Variants in LARGE1 observed in about 807,000 individuals in gnomAD.
LARGE1 encodes the protein LARGE xylosyl- and glucuronyltransferase 1.
A neutral mutation model predicts 87.6 loss-of-function variants in LARGE1; 43 were observed. The observed-to-expected ratio is 0.49, with a 90% CI of 0.38 to 0.63. The LOEUF is 0.63. Ranked by LOEUF, LARGE1 falls within the 30% of genes least tolerant of loss-of-function variation. LARGE1 has a pLI of 0.00. For synonymous variants in LARGE1, 434 were observed against 394.6 expected (o/e 1.10, Z -1.18); for missense variants, 802 against 1,000.2 (o/e 0.80, Z 2.67).
chr22:33,689,709 G>A (rs769663016), intron 2 of LARGE1, among the ~76,000 whole-genome samples: 1 of 152,102 alleles, frequency 6.6e-6, no homozygotes, highest in Non-Finnish European at 1.5e-5. Context: ...GGTGGATCAC[G>A]AGGTCAGGGG....
At chr22:33,655,499 T>C (rs1338842120) in intron 2 of LARGE1, among the ~76,000 whole-genome samples, 1 of 152,198 alleles carries the variant, frequency 6.6e-6, no homozygotes, top group Non-Finnish European at 1.5e-5. Flanking sequence ...TCGGCTCTCC[T>C]GGGTCTCCAG....
intron 6 of LARGE1, among the ~76,000 whole-genome samples, chr22:33,457,293 CTTTTTTTTTTTTTTT>C (rs759460321): frequency 0.044 from 3,317 of 75,044 alleles, 150 homozygotes; most frequent in African/African-American, 0.17. Flanking sequence ...ACGCCTGGCT[CTTTTTTTTTTTTTTT>C]TTTTTTTTTT....
At chr22:33,628,212 G>C (rs925321906) in intron 3 of LARGE1, among the ~76,000 whole-genome samples, 3 of 152,128 alleles carry the variant, frequency 2.0e-5, no homozygotes, top group African/African-American at 7.2e-5. Context: ...CAGATTTCAG[G>C]CTCAAAGTTG....
chr22:33,099,480 G>A, the LARGE1 span, among the ~76,000 whole-genome samples: 6 of 152,108 alleles, frequency 3.9e-5, no homozygotes, highest in African/African-American at 4.8e-5. Context: ...TCAAACTCCT[G>A]ACCTCAGGTG....
intron 4 of LARGE1, among the ~76,000 whole-genome samples, chr22:33,608,134 T>C (rs1375194609): frequency 6.6e-6 from 1 of 152,174 alleles, no homozygotes; most frequent in African/African-American, 2.4e-5. Context: ...AAGGCCACAG[T>C]TGCCATAATG....
chr22:33,719,695 T>C (rs1434549416), intron 2 of LARGE1, among the ~76,000 whole-genome samples: 2 of 152,010 alleles, frequency 1.3e-5, no homozygotes, highest in Admixed American at 6.6e-5. Context: ...TAATTTTTTA[T>C]ATTTTTAGTA....
intron 6 of LARGE1, among the ~76,000 whole-genome samples, chr22:33,545,419 A>AACACACACAC (rs55754949): frequency 0.025 from 3,530 of 143,968 alleles, 71 homozygotes; most frequent in East Asian, 0.089. Flanking sequence ...ACACCCAGCT[A>AACACACACAC]ACACACACAC....
At chr22:33,457,521 T>C (rs916902258) in intron 6 of LARGE1, among the ~76,000 whole-genome samples, 1 of 151,812 alleles carries the variant, frequency 6.6e-6, no homozygotes, top group Non-Finnish European at 1.5e-5. Context: ...GGATAGTCCT[T>C]ATTAAATTAA....
At chr22:33,577,467 T>A (rs1429771339) in intron 5 of LARGE1, among the ~76,000 whole-genome samples, 1 of 152,224 alleles carries the variant, frequency 6.6e-6, no homozygotes, top group Non-Finnish European at 1.5e-5. Flanking sequence ...GGCAGCTGAA[T>A]CAGAAAACAC....
chr22:33,632,979 C>A (rs2080155963), intron 3 of LARGE1, among the ~76,000 whole-genome samples: 1 of 152,136 alleles, frequency 6.6e-6, no homozygotes, highest in Non-Finnish European at 1.5e-5. Flanking sequence ...GCAGGCTGTA[C>A]TTGATGATAC....
intron 11 of LARGE1, among the ~76,000 whole-genome samples, chr22:33,306,471 C>T (rs1007856976): frequency 9.2e-5 from 14 of 152,166 alleles, no homozygotes; most frequent in Admixed American, 5.9e-4. Flanking sequence ...AGGATTCTCT[C>T]ACTGGCTTGG....
the LARGE1 span, among the ~76,000 whole-genome samples, chr22:33,097,356 T>A: frequency 6.6e-6 from 1 of 152,238 alleles, no homozygotes; most frequent in Non-Finnish European, 1.5e-5. Flanking sequence ...ATCCTGTCTA[T>A]ATCTTGCCCT....
intron 1 of LARGE1, among the ~76,000 whole-genome samples, chr22:33,866,021 G>T (rs748197882): frequency 6.6e-6 from 1 of 151,224 alleles, no homozygotes; most frequent in African/African-American, 2.4e-5. Context: ...GCTAATTTTT[G>T]TAATTTTAGT....
At chr22:33,596,544 T>C (rs537054410) in intron 5 of LARGE1, among the ~76,000 whole-genome samples, 9 of 152,286 alleles carry the variant, frequency 5.9e-5, no homozygotes, top group Admixed American at 3.3e-4. Context: ...ATTTAACCTC[T>C]GTCACCCTGC....
intron 1 of LARGE1, among the ~76,000 whole-genome samples, chr22:33,820,298 G>A (rs971709492): frequency 2.6e-5 from 4 of 152,008 alleles, no homozygotes; most frequent in African/African-American, 9.7e-5. Context: ...ATAGCATATT[G>A]CCATAACTTC....
intron 12 of LARGE1, among the ~76,000 whole-genome samples, chr22:33,303,278 A>G (rs945611906): frequency 1.3e-5 from 2 of 152,328 alleles, no homozygotes; most frequent in Admixed American, 6.5e-5. Context: ...AGCAGTTGTC[A>G]TGGTGCTTAT....
intron 2 of LARGE1, among the ~76,000 whole-genome samples, chr22:33,755,719 T>C (rs1001329890): frequency 6.6e-6 from 1 of 152,156 alleles, no homozygotes; most frequent in African/African-American, 2.4e-5. Flanking sequence ...CCAAGAGCCC[T>C]TCCCTACCAG....
chr22:33,525,065 C>T (rs935696201), intron 6 of LARGE1, among the ~76,000 whole-genome samples: 30 of 152,114 alleles, frequency 2.0e-4, no homozygotes, highest in Admixed American at 1.3e-4. Flanking sequence ...AGCATCTTTC[C>T]ATCAGGCAAT....
intron 1 of LARGE1, among the ~76,000 whole-genome samples, chr22:33,878,882 T>C (rs571054553): frequency 4.9e-4 from 75 of 152,290 alleles, no homozygotes; most frequent in African/African-American, 1.7e-3. Context: ...TGAGGGTAAA[T>C]GTTTGCAGAG....
Sources: gnomAD v4.1 joint callset for allele counts (sites outside exome capture counted in the v4.1 genomes callset) on GRCh38, gnomAD v4.1.1 for gene constraint, MANE v1.5 for transcripts, NCBI Gene and HGNC (gene_info 2026-07-23, HGNC 2026-07-21) for gene names.